Variants in KAZN observed in about 807,000 individuals in gnomAD.
KAZN encodes kazrin, periplakin interacting protein.
Under a neutral mutation model 87.4 loss-of-function variants are expected in KAZN, and 40 were observed. The ratio of observed to expected loss-of-function variants is 0.46; its 90% CI spans 0.36 to 0.60. The LOEUF (loss-of-function observed/expected upper bound fraction) is 0.60. KAZN is among the 20% of genes least tolerant of loss of function. The pLI, the probability that KAZN is intolerant of heterozygous loss-of-function variation, is 0.00. For missense variants in KAZN, 898 were observed against 1,073.9 expected, an observed-to-expected ratio of 0.84 and a Z score of 2.29; for synonymous variants, 466 against 458.3, an observed-to-expected ratio of 1.02 and a Z score of -0.22.
At chr1:14,829,303 A>G (rs1440937533) in intron 1 of KAZN, among the ~76,000 whole-genome samples, 1 of 152,244 alleles carries the variant, frequency 6.6e-6, no homozygotes, top group Non-Finnish European at 1.5e-5. Context: ...GGATATGAGA[A>G]ATTGTGCTAG....
chr1:15,114,558 G>A lies in KAZN; in HGVS notation c.2251G>A (p.Gly751Arg), dbSNP rs775295918. The stretch of plus-strand genomic sequence containing the variant: ...TGGCTCTCTTCAAAACGAAGATTGC[G>A]GAGACGATGACCCCCAGAGCAGGCT... ...DYGSLQNEDC[G>R]DDDPQSRLEQ... The change falls in exon 15 of 15, where the codon GGA becomes AGA. Residue 751 changes from glycine to arginine, a missense_variant. Coordinates refer to ENST00000376030, the MANE Select transcript of KAZN (RefSeq NM_201628.3). 18 of 1,608,322 alleles carry A rather than the reference G, an allele frequency of 1.1e-5. No homozygotes were observed. The highest frequency in any genetic ancestry group is 1.6e-4 in the Middle Eastern group (1 of 6,082).
chr1:14,431,238 C>T (rs180872922), intron 2 of KAZN, among the ~76,000 whole-genome samples: 3 of 152,080 alleles, frequency 2.0e-5, no homozygotes, highest in East Asian at 1.9e-4. Context: ...CCATAGTGCT[C>T]GACAATTTCT....
chr1:14,165,887 C>T (rs891079602), intron 1 of KAZN, among the ~76,000 whole-genome samples: 5 of 152,198 alleles, frequency 3.3e-5, no homozygotes, highest in Non-Finnish European at 7.3e-5. Flanking sequence ...GACTGCCACA[C>T]AAGGGCTTCA....
upstream of KAZN, among the ~76,000 whole-genome samples, chr1:14,596,318 A>G (rs1465998243): frequency 6.7e-6 from 1 of 150,006 alleles, no homozygotes; most frequent in East Asian, 1.9e-4. Flanking sequence ...GCACACACAC[A>G]CACACACACA....
At chr1:14,372,178 C>A (rs1660544043) in intron 2 of KAZN, among the ~76,000 whole-genome samples, 1 of 152,170 alleles carries the variant, frequency 6.6e-6, no homozygotes, top group African/African-American at 2.4e-5. Flanking sequence ...TAACTGTTTA[C>A]TGTGTATTTA....
At chr1:14,903,660 G>A (rs1656181022) in intron 1 of KAZN, among the ~76,000 whole-genome samples, 1 of 152,210 alleles carries the variant, frequency 6.6e-6, no homozygotes, top group Admixed American at 6.5e-5. Flanking sequence ...TGAAAGACAA[G>A]CTCACCACAC....
intron 2 of KAZN, among the ~76,000 whole-genome samples, chr1:14,420,746 G>A (rs797008190): frequency 4.6e-4 from 70 of 152,274 alleles, no homozygotes; most frequent in African/African-American, 1.7e-3. Context: ...GTTGGCCCAG[G>A]TGCTAAGCCC....
intron 2 of KAZN, among the ~76,000 whole-genome samples, chr1:14,199,780 T>C (rs1646602258): frequency 6.6e-6 from 1 of 152,206 alleles, no homozygotes; most frequent in South Asian, 2.1e-4. Flanking sequence ...TCTAATGATA[T>C]CCTTAGCATT....
intron 1 of KAZN, among the ~76,000 whole-genome samples, chr1:14,021,150 T>G (rs78748973): frequency 0.022 from 3,366 of 152,304 alleles, 116 homozygotes; most frequent in African/African-American, 0.076. Context: ...ATTGTAGGAA[T>G]GCTTAGCAGC....
At chr1:14,345,397 T>G (rs1343674492) in intron 2 of KAZN, among the ~76,000 whole-genome samples, 2 of 152,152 alleles carry the variant, frequency 1.3e-5, no homozygotes, top group African/African-American at 2.4e-5. Context: ...TTGCTGGAAA[T>G]GTCATTTAAA....
At chr1:13,983,821 C>T (rs937833313) in intron 1 of KAZN, among the ~76,000 whole-genome samples, 1 of 152,116 alleles carries the variant, frequency 6.6e-6, no homozygotes, top group South Asian at 2.1e-4. Context: ...ATTTTTGTTT[C>T]GAAAGTTATA....
At chr1:15,035,780 A>G (rs1672197391) in intron 3 of KAZN, among the ~76,000 whole-genome samples, 1 of 152,184 alleles carries the variant, frequency 6.6e-6, no homozygotes, top group Admixed American at 6.5e-5. Flanking sequence ...TGGAGGTTGC[A>G]GTGAGCCGAG....
intron 1 of KAZN, among the ~76,000 whole-genome samples, chr1:14,750,891 T>A (rs146052183): frequency 3.9e-5 from 6 of 152,262 alleles, no homozygotes; most frequent in African/African-American, 1.4e-4. Flanking sequence ...GCTGGGTGAG[T>A]GTCAATGGCC....
intron 2 of KAZN, among the ~76,000 whole-genome samples, chr1:14,559,981 A>G (rs1425163821): frequency 6.6e-6 from 1 of 152,194 alleles, no homozygotes; most frequent in Non-Finnish European, 1.5e-5. Context: ...CAATATGGTG[A>G]GTTTTCATAA....
At chr1:15,055,667 C>T (rs780727222) in intron 4 of KAZN, among the ~76,000 whole-genome samples, 27 of 152,290 alleles carry the variant, frequency 1.8e-4, no homozygotes, top group Non-Finnish European at 3.2e-4. Flanking sequence ...AATTACTCCA[C>T]CATTCGGAAC....
chr1:15,051,093 G>T (rs1674355075), intron 4 of KAZN, among the ~76,000 whole-genome samples: 1 of 152,276 alleles, frequency 6.6e-6, no homozygotes, highest in African/African-American at 2.4e-5. Flanking sequence ...AGGAGCACCA[G>T]CCTTCCGATG....
At chr1:14,655,888 C>T (rs1638760890) in intron 1 of KAZN, among the ~76,000 whole-genome samples, 1 of 152,134 alleles carries the variant, frequency 6.6e-6, no homozygotes, top group Admixed American at 6.5e-5. Flanking sequence ...CAGGGTTTTA[C>T]TGGGGGCTTA....
At chr1:14,419,717 G>A (rs1422144237) in intron 2 of KAZN, among the ~76,000 whole-genome samples, 2 of 152,266 alleles carry the variant, frequency 1.3e-5, no homozygotes, top group South Asian at 2.1e-4. Context: ...GAGTGAAGCC[G>A]CAGACCTCCG....
intron 7 of KAZN, among the ~76,000 whole-genome samples, chr1:15,064,754 C>T (rs1483419308): frequency 6.6e-6 from 1 of 152,212 alleles, no homozygotes; most frequent in Non-Finnish European, 1.5e-5. Flanking sequence ...CCGGACTCTC[C>T]CAGGCCTCCT....
Sources: gnomAD v4.1 joint callset for allele counts (sites outside exome capture counted in the v4.1 genomes callset) on GRCh38, gnomAD v4.1.1 for gene constraint, MANE v1.5 for transcripts, NCBI Gene and HGNC (gene_info 2026-07-23, HGNC 2026-07-21) for gene names.